Variants in CSMD1 observed in about 807,000 individuals in gnomAD.
CSMD1 encodes CUB and sushi domain-containing protein 1.
CSMD1 carries 213 observed loss-of-function variants against 417.5 expected under a neutral mutation model. The observed-to-expected ratio is 0.51, with a 90% CI of 0.46 to 0.57. The LOEUF is 0.57. CSMD1 is among the 20% of genes least tolerant of loss of function. The probability of loss-of-function intolerance (pLI) is 0.00; values close to 1 mark genes in which losing one functional copy is unlikely to be tolerated. For missense variants in CSMD1, 6,923 were observed against 4,529.7 expected (o/e 1.53, Z -15.17); for synonymous variants, 2,862 against 1,736.8 (o/e 1.65, Z -16.11).
intron 2 of CSMD1, among the ~76,000 whole-genome samples, chr8:4,452,117 A>G (rs114748507): frequency 1.6e-3 from 241 of 152,244 alleles, no homozygotes; most frequent in African/African-American, 5.7e-3. Context: ...TGATGCTTCC[A>G]GAGGTCTGTA....
intron 5 of CSMD1, among the ~76,000 whole-genome samples, chr8:3,902,646 T>A (rs959417510): frequency 4.6e-5 from 7 of 152,042 alleles, no homozygotes; most frequent in African/African-American, 1.7e-4. Flanking sequence ...CAGGGGTAAT[T>A]CTTGCTCATT....
chr8:3,837,454 G>C (rs1421050434), intron 5 of CSMD1, among the ~76,000 whole-genome samples: 3 of 152,094 alleles, frequency 2.0e-5, no homozygotes, highest in African/African-American at 7.2e-5. Flanking sequence ...TATAAGAGAA[G>C]AGATGTCCTC....
chr8:4,015,846 G>A (rs1646983684), intron 4 of CSMD1, among the ~76,000 whole-genome samples: 1 of 152,050 alleles, frequency 6.6e-6, no homozygotes, highest in Non-Finnish European at 1.5e-5. Context: ...CCCAATAATG[G>A]TTCGTATGCT....
intron 12 of CSMD1, among the ~76,000 whole-genome samples, chr8:3,450,540 C>A (rs1378176730): frequency 6.6e-6 from 1 of 150,898 alleles, no homozygotes; most frequent in Non-Finnish European, 1.5e-5. Flanking sequence ...CAATTCCCAC[C>A]TATCAATGAG....
At chr8:3,035,691 A>G (rs1045097182) in intron 50 of CSMD1, among the ~76,000 whole-genome samples, 1 of 152,356 alleles carries the variant, frequency 6.6e-6, no homozygotes, top group African/African-American at 2.4e-5. Flanking sequence ...TTTTGCTAAT[A>G]TAAACTTTAT....
chr8:3,943,328 G>A (rs1418580684), intron 5 of CSMD1, among the ~76,000 whole-genome samples: 1 of 148,670 alleles, frequency 6.7e-6, no homozygotes, highest in Non-Finnish European at 1.5e-5. Flanking sequence ...GAAGAGTGAA[G>A]TATTCTTGTA....
intron 3 of CSMD1, among the ~76,000 whole-genome samples, chr8:4,111,108 A>G (rs1008727765): frequency 4.7e-5 from 7 of 150,466 alleles, no homozygotes; most frequent in Non-Finnish European, 8.8e-5. Context: ...GATTCCTTCT[A>G]CAAAGTTTTG....
chr8:4,378,436 T>A (rs552306032), intron 3 of CSMD1, among the ~76,000 whole-genome samples: 33 of 152,256 alleles, frequency 2.2e-4, no homozygotes, highest in African/African-American at 7.9e-4. Context: ...ATTGTAAAAA[T>A]CTCAAAAATT....
chr8:4,919,143 T>C (rs1157579172), intron 1 of CSMD1, among the ~76,000 whole-genome samples: 1 of 152,192 alleles, frequency 6.6e-6, no homozygotes, highest in Non-Finnish European at 1.5e-5. Context: ...AATGGAAACA[T>C]ACTCAGTTAA....
intron 23 of CSMD1, among the ~76,000 whole-genome samples, chr8:3,321,681 T>A (rs1157476939): frequency 6.6e-6 from 1 of 151,402 alleles, no homozygotes; most frequent in African/African-American, 2.4e-5. Flanking sequence ...CTTATTTTAA[T>A]TCTAGACAAT....
Position 4,254,083 on chromosome 8 carries a change from A to AT in CSMD1, c.415+165869dup, listed in dbSNP as rs1022259236. Among the ~76,000 whole-genome samples, 4 of 151,324 alleles carry AT rather than the reference A, an allele frequency of 2.6e-5. No homozygotes were observed. In the South Asian group the frequency reaches 6.3e-4, roughly 24 times the overall value. On this transcript the variant is annotated intron_variant, in intron 3 of 69. Coordinates refer to ENST00000635120, the MANE Select transcript of CSMD1 (RefSeq NM_033225.6). Reference sequence around the variant, plus strand: ...TGGTGCCCACCACCACGCCTGGCTAATTTTTTTGTGTTTTTAGTAGAGACA... The same window carrying AT: ...TGGTGCCCACCACCACGCCTGGCTAATTTTTTTTGTGTTTTTAGTAGAGACA...
chr8:4,106,751 C>CCG (rs1281699704), intron 3 of CSMD1, among the ~76,000 whole-genome samples: 106 of 152,232 alleles, frequency 7.0e-4, no homozygotes, highest in Non-Finnish European at 5.4e-4. Context: ...ACAACAGACC[C>CCG]CGCACAGCTA....
intron 1 of CSMD1, among the ~76,000 whole-genome samples, chr8:4,698,232 A>G (rs1346534066): frequency 3.3e-5 from 5 of 150,978 alleles, no homozygotes; most frequent in Admixed American, 6.6e-5. Flanking sequence ...CTGGTTCTTC[A>G]TCAGTATTAA....
intron 3 of CSMD1, among the ~76,000 whole-genome samples, chr8:4,261,695 T>A (rs1347430105): frequency 6.6e-6 from 1 of 152,016 alleles, no homozygotes; most frequent in Non-Finnish European, 1.5e-5. Context: ...CAGGCATGAG[T>A]CACCTCTTCT....
At chr8:3,768,204 C>T (rs994674972) in intron 5 of CSMD1, among the ~76,000 whole-genome samples, 2 of 152,098 alleles carry the variant, frequency 1.3e-5, no homozygotes, top group African/African-American at 4.8e-5. Context: ...AAGAGTGGTT[C>T]CTGGCATAGA....
At chr8:4,288,164 G>A (rs768625953) in intron 3 of CSMD1, among the ~76,000 whole-genome samples, 1 of 152,116 alleles carries the variant, frequency 6.6e-6, no homozygotes, top group Admixed American at 6.6e-5. Context: ...GAAAACACTA[G>A]AGAGTAGAAC....
At chr8:4,069,012 G>C (rs1305660496) in intron 3 of CSMD1, among the ~76,000 whole-genome samples, 2 of 152,096 alleles carry the variant, frequency 1.3e-5, no homozygotes, top group Non-Finnish European at 2.9e-5. Flanking sequence ...CCCAGTAGTT[G>C]ATTTTTACTT....
At chr8:4,188,461 T>C (rs28725409) in intron 3 of CSMD1, among the ~76,000 whole-genome samples, 105,258 of 151,584 alleles carry the variant, frequency 0.69, 36,863 homozygotes, top group South Asian at 0.8. Flanking sequence ...AGAAACTTTA[T>C]TTTGGAAAAG....
rs186468581 is a variant in CSMD1 at position 3,238,135 on chromosome 8, G to A, written c.4154-7904C>T. Among the ~76,000 whole-genome samples the A allele has an allele frequency of 3.9e-3, 588 of 151,992 alleles. 2 individuals are homozygous for A. The highest frequency in any genetic ancestry group is 4.6e-3 in the Non-Finnish European group (313 of 68,004). ...GGTGGGGCCGTTTTATAAGATTTGG[G>A]TACGTAAAGGAAAATTACAGTCAAA... On this transcript the variant is annotated intron_variant, in intron 26 of 69. Transcript: ENST00000635120.
Sources: allele counts gnomAD v4.1 joint callset (sites outside exome capture counted in the v4.1 genomes callset), GRCh38; gene constraint gnomAD v4.1.1; transcripts MANE v1.5; gene names NCBI Gene and HGNC (gene_info 2026-07-23, HGNC 2026-07-21).